PICALM: variants seen among roughly 807,000 people sequenced by gnomAD.
PICALM encodes the protein phosphatidylinositol-binding clathrin assembly protein.
PICALM carries 40 observed loss-of-function variants against 80.5 expected under a neutral mutation model. The observed-to-expected ratio is 0.50, with a 90% CI of 0.39 to 0.65. The LOEUF (loss-of-function observed/expected upper bound fraction) is 0.65, where lower values mean the gene tolerates loss of function less well. Among genes scored for constraint, PICALM ranks in the 30% least tolerant of loss-of-function variants. The pLI, the probability that PICALM is intolerant of heterozygous loss-of-function variation, is 0.00. For synonymous variants in PICALM, 288 were observed against 260.3 expected (o/e 1.11, Z -1.02); for missense variants, 676 against 778.9 (o/e 0.87, Z 1.57).
chr11:85,960,930 CA>C (rs2093667701), intron 19 of PICALM, among the ~76,000 whole-genome samples: 1 of 152,122 alleles, frequency 6.6e-6, no homozygotes, highest in Non-Finnish European at 1.5e-5. Flanking sequence ...ATTGTTAAGA[CA>C]AAAGTTTCAG....
intron 19 of PICALM, among the ~76,000 whole-genome samples, chr11:85,963,755 T>G (rs1172424126): frequency 6.8e-6 from 1 of 147,800 alleles, no homozygotes; most frequent in Non-Finnish European, 1.5e-5. Context: ...TTATAGAGCG[T>G]GTTTCATATA....
chr11:86,062,764 G>T (rs1247961044), intron 1 of PICALM, among the ~76,000 whole-genome samples: 1 of 152,164 alleles, frequency 6.6e-6, no homozygotes, highest in Non-Finnish European at 1.5e-5. Flanking sequence ...TGCCCAAAAT[G>T]ATTCACATAC....
intron 2 of PICALM, among the ~76,000 whole-genome samples, chr11:86,030,691 G>T (rs777122475): frequency 5.3e-5 from 8 of 152,150 alleles, no homozygotes; most frequent in Non-Finnish European, 1.2e-4. Context: ...GGCAACAAAG[G>T]CTTCAGACAC....
intron 1 of PICALM, among the ~76,000 whole-genome samples, chr11:86,055,133 C>A (rs2096249892): frequency 6.6e-6 from 1 of 151,866 alleles, no homozygotes. Flanking sequence ...TAGTTTGAGA[C>A]CAGCCTGGAC....
At position 85,960,620 on chromosome 11, in the gene PICALM, T is replaced by C. The variant is rs147153612; in HGVS notation, c.1945-1560A>G. 61 of 706,388 alleles carry C rather than the reference T, an allele frequency of 8.6e-5. No homozygotes were observed. The African/African-American group carries it at 9.5e-4, about 11-fold the overall frequency. 43.8% of individuals were successfully genotyped at this position (706,388 alleles called of 1,614,324 possible). On this transcript the variant is annotated intron_variant, in intron 19 of 19. Coordinates refer to ENST00000393346, the MANE Select transcript of PICALM (RefSeq NM_007166.4). ...GAGAAGCGTGAATTGTGTTTAATGT[T>C]TGGTAATTGTTTTTAAGTATTTAAG...
intron 19 of PICALM, among the ~76,000 whole-genome samples, chr11:85,965,302 A>G (rs2093839058): frequency 6.6e-6 from 1 of 152,160 alleles, no homozygotes; most frequent in Admixed American, 6.5e-5. Context: ...GTAAGCCAAT[A>G]ATTTCTCTCT....
At chr11:86,005,320 A>AT (rs1489250981) in intron 8 of PICALM, among the ~76,000 whole-genome samples, 1 of 152,226 alleles carries the variant, frequency 6.6e-6, no homozygotes, top group Admixed American at 6.5e-5. Flanking sequence ...ATATTAAACT[A>AT]CCAAGTTATG....
intron 6 of PICALM, among the ~76,000 whole-genome samples, chr11:86,011,608 A>G (rs1217754671): frequency 6.6e-6 from 1 of 152,214 alleles, no homozygotes; most frequent in African/African-American, 2.4e-5. Context: ...AAAGCTTTAT[A>G]GAAAAACCTT....
At chr11:85,993,485 C>A (rs2094858845) in intron 12 of PICALM, among the ~76,000 whole-genome samples, 2 of 151,992 alleles carry the variant, frequency 1.3e-5, no homozygotes, top group Admixed American at 6.5e-5. Context: ...GTCGCCCAGG[C>A]TAGAATGCAG....
chr11:85,994,799 G>A (rs1465997611), intron 12 of PICALM, among the ~76,000 whole-genome samples: 5 of 152,184 alleles, frequency 3.3e-5, no homozygotes, highest in Non-Finnish European at 7.4e-5. Context: ...CGCCTCCGGG[G>A]TTCAAGTGAT....
At chr11:85,991,313 T>C (rs1488734134) in intron 12 of PICALM, among the ~76,000 whole-genome samples, 3 of 152,160 alleles carry the variant, frequency 2.0e-5, no homozygotes, top group Middle Eastern at 3.2e-3. Context: ...TTCTCAACAG[T>C]GGAATCTTCT....
chr11:86,069,093 G>A (rs2096486888), upstream of PICALM: 4 of 312,264 alleles, frequency 1.3e-5, no homozygotes, highest in East Asian at 1.6e-4. Context: ...GCGGCGCCAG[G>A]CTCCTCCTCG....
At chr11:85,980,359 T>C (rs947947515) in intron 17 of PICALM, among the ~76,000 whole-genome samples, 4 of 152,216 alleles carry the variant, frequency 2.6e-5, no homozygotes, top group African/African-American at 9.7e-5. Context: ...AGCAAGTCAC[T>C]TAACACTTCT....
intron 16 of PICALM, 46 bp from the exon 17 acceptor site, chr11:85,981,274 A>C (rs755521848): frequency 9.0e-7 from 1 of 1,110,158 alleles, no homozygotes; most frequent in Non-Finnish European, 1.4e-6. Context: ...CTAATTATAA[A>C]GTTTCCTTAG....
intron 19 of PICALM, among the ~76,000 whole-genome samples, chr11:85,961,051 C>T (rs1475710424): frequency 7.4e-6 from 1 of 135,752 alleles, no homozygotes; most frequent in East Asian, 2.2e-4. Flanking sequence ...TCGATATAAG[C>T]TGACCCATGG....
At chr11:86,025,431 A>G (rs1214897840) in intron 3 of PICALM, among the ~76,000 whole-genome samples, 1 of 152,138 alleles carries the variant, frequency 6.6e-6, no homozygotes, top group Non-Finnish European at 1.5e-5. Context: ...AGCTACGAAT[A>G]TGAAGGAACA....
At chr11:85,997,979 A>G (rs1010016416) in intron 11 of PICALM, among the ~76,000 whole-genome samples, 38 of 151,874 alleles carry the variant, frequency 2.5e-4, no homozygotes, top group Non-Finnish European at 4.7e-4. Context: ...ACAGGGTTTC[A>G]CCACACTGCC....
intron 8 of PICALM, among the ~76,000 whole-genome samples, chr11:86,006,474 CCGTCT>C (rs1484796742): frequency 6.6e-6 from 1 of 152,084 alleles, no homozygotes. Flanking sequence ...ATGGAAAACC[CCGTCT>C]CTACTAAAAA....
chr11:85,965,786 C>G (rs1322575892), intron 19 of PICALM, among the ~76,000 whole-genome samples: 1 of 148,346 alleles, frequency 6.7e-6, no homozygotes, highest in Non-Finnish European at 1.5e-5. Flanking sequence ...ACCCTGTCAC[C>G]TTGAATGCAT....
Sources: allele counts gnomAD v4.1 joint callset (sites outside exome capture counted in the v4.1 genomes callset), GRCh38; gene constraint gnomAD v4.1.1; transcripts MANE v1.5; gene names NCBI Gene and HGNC (gene_info 2026-07-23, HGNC 2026-07-21).